Variants in SLC25A17 observed in about 807,000 individuals in gnomAD.
SLC25A17 encodes peroxisomal membrane protein PMP34.
In SLC25A17, 26 loss-of-function variants were observed where a neutral mutation model predicts 38.5. That is an observed-to-expected ratio of 0.68 (90% confidence interval 0.50 to 0.94). SLC25A17 has a LOEUF of 0.94. Among genes scored for constraint, SLC25A17 ranks in the 40% least tolerant of loss-of-function variants. SLC25A17 has a pLI of 0.00. For synonymous variants in SLC25A17, 139 were observed against 136.2 expected (o/e 1.02, Z -0.14); for missense variants, 333 against 372.7 (o/e 0.89, Z 0.88).
intron 2 of SLC25A17, among the ~76,000 whole-genome samples, chr22:40,795,442 AC>A (rs889539314): frequency 1.1e-4 from 17 of 151,752 alleles, no homozygotes; most frequent in Non-Finnish European, 1.5e-4. Context: ...ACAGGCGCCC[AC>A]CACGATGCCC....
intron 4 of SLC25A17, among the ~76,000 whole-genome samples, chr22:40,790,686 C>G (rs1365840896): frequency 6.6e-6 from 1 of 152,112 alleles, no homozygotes; most frequent in African/African-American, 2.4e-5. Context: ...ATGGCAGACA[C>G]AGCAAATAAA....
chr22:40,817,858 G>A (rs1362509372), intron 1 of SLC25A17, among the ~76,000 whole-genome samples: 1 of 152,172 alleles, frequency 6.6e-6, no homozygotes, highest in Non-Finnish European at 1.5e-5. Context: ...CGGAAACACA[G>A]GCCTCCATGC....
At chr22:40,805,219 C>T (rs1353669319) in intron 1 of SLC25A17, among the ~76,000 whole-genome samples, 1 of 152,174 alleles carries the variant, frequency 6.6e-6, no homozygotes, top group Non-Finnish European at 1.5e-5. Flanking sequence ...CCTGTAATCC[C>T]AGCTACTCGG....
chr22:40,792,320 A>G (rs1336566862), intron 4 of SLC25A17, among the ~76,000 whole-genome samples: 2 of 152,142 alleles, frequency 1.3e-5, no homozygotes, highest in African/African-American at 4.8e-5. Context: ...AACATTGTGA[A>G]CATGTTTAAC....
At chr22:40,794,085 A>G (rs116496477) in intron 3 of SLC25A17, among the ~76,000 whole-genome samples, 43 of 152,350 alleles carry the variant, frequency 2.8e-4, no homozygotes, top group African/African-American at 8.2e-4. Flanking sequence ...GGTAAAGCAT[A>G]TACTTGTCTT....
intron 4 of SLC25A17, among the ~76,000 whole-genome samples, chr22:40,782,550 T>C (rs760510589): frequency 6.6e-5 from 10 of 152,206 alleles, no homozygotes; most frequent in Non-Finnish European, 8.8e-5. Flanking sequence ...GTGAGTCTCC[T>C]TTGTTACGGA....
At chr22:40,776,278 A>G (rs1262783699) in intron 7 of SLC25A17, 1 of 469,048 alleles carries the variant, frequency 2.1e-6, no homozygotes, top group Non-Finnish European at 4.4e-6. Flanking sequence ...CACAGTGTGG[A>G]TGCTTAGTAA....
intron 2 of SLC25A17, chr22:40,798,378 G>A (rs141412177): frequency 7.2e-5 from 11 of 152,176 alleles, no homozygotes; most frequent in African/African-American, 2.2e-4. Context: ...TTGGTTCCTC[G>A]GAACCTTTTC....
chr22:40,770,765 A>G lies in SLC25A17; in HGVS notation c.*69T>C, dbSNP rs2057173376. Reference sequence around the variant, plus strand: ...TGGCAGGAGCCAGAGTCAAGGGAGAATCACTTCTCTTCACTCAGGAGGAAA... The same window carrying G: ...TGGCAGGAGCCAGAGTCAAGGGAGAGTCACTTCTCTTCACTCAGGAGGAAA... On this transcript the variant is annotated 3_prime_UTR_variant, in exon 9 of 9. Coordinates refer to ENST00000435456, the MANE Select transcript of SLC25A17 (RefSeq NM_006358.4). 5.4e-6 allele frequency: 8 copies of G among 1,474,882 alleles called. No homozygotes were observed. Among genetic ancestry groups the G allele is most frequent in the Non-Finnish European group, 7.3e-6 (8 of 1,088,780 alleles). 91.4% of individuals were successfully genotyped at this position (1,474,882 alleles called of 1,614,324 possible). A position where few individuals can be genotyped will look rare whatever the true frequency, so the allele number is the denominator to read the frequency against.
intron 2 of SLC25A17, chr22:40,798,398 C>T (rs938652579): frequency 1.6e-4 from 24 of 152,258 alleles, no homozygotes; most frequent in African/African-American, 5.8e-4. Context: ...CCCCATCTGC[C>T]TCTTTCAGAT....
chr22:40,777,478 G>T, intron 5 of SLC25A17, 105 bp from the exon 6 acceptor site: 1 of 1,283,116 alleles, frequency 7.8e-7, no homozygotes, highest in Non-Finnish European at 1.1e-6. Context: ...AACCATACTG[G>T]TTCTATAAAG....
rs1198595821 is a variant in SLC25A17 at position 40,770,825 on chromosome 22, G to C, written c.*9C>G. On this transcript the variant is annotated 3_prime_UTR_variant, in exon 9 of 9. Transcript: ENST00000435456. ...TGAGCATCTTCGGAATTTTTCATGGGAAGGCGTCTCAGTGTTGGTGTGCAC... is the reference window on the plus strand; with the variant it reads ...TGAGCATCTTCGGAATTTTTCATGGCAAGGCGTCTCAGTGTTGGTGTGCAC... 5 of 1,588,032 alleles carry C rather than the reference G, an allele frequency of 3.1e-6. No homozygotes were observed. The African/African-American group carries it at 6.8e-5, about 21-fold the overall frequency.
intron 4 of SLC25A17, among the ~76,000 whole-genome samples, chr22:40,784,046 T>G (rs1279641632): frequency 5.9e-5 from 9 of 152,164 alleles, no homozygotes; most frequent in African/African-American, 2.2e-4. Flanking sequence ...CTATCCCTTC[T>G]CTGCTTAAAT....
At position 40,819,235 on chromosome 22, in the gene SLC25A17, A is replaced by G. The variant is rs2057672316; in HGVS notation, c.14T>C (p.Leu5Pro). ...GGCGTGGACCAGGCTTTCGTAGGAC[A>G]GCACGGAAGCCATTGGTGCGGCTCC... The part of the protein sequence containing the change: MASV[L>P]SYESLVHAVA... Residue 5 changes from leucine to proline, a missense_variant, in exon 1 of 9, where the codon CTG (leucine) becomes CCG (proline). Coordinates refer to ENST00000435456, the MANE Select transcript of SLC25A17 (RefSeq NM_006358.4). 3 of 1,613,608 alleles carry G rather than the reference A, an allele frequency of 1.9e-6. No individual in the cohort carries two copies. Among genetic ancestry groups the G allele is most frequent in the East Asian group, 2.2e-5 (1 of 44,884 alleles).
At chr22:40,779,785 C>A (rs1569400885) in intron 4 of SLC25A17, 1 of 153,636 alleles carries the variant, frequency 6.5e-6, no homozygotes, top group African/African-American at 2.4e-5. Flanking sequence ...TCTTGGCCCC[C>A]CAAGGTTGCC....
At chr22:40,788,982 C>T in intron 4 of SLC25A17, 1 of 332,924 alleles carries the variant, frequency 3.0e-6, no homozygotes. Flanking sequence ...CATAGAAGTG[C>T]TCTTTGAAGG....
intron 1 of SLC25A17, among the ~76,000 whole-genome samples, chr22:40,800,433 A>G (rs2057470732): frequency 6.6e-6 from 1 of 152,166 alleles, no homozygotes; most frequent in African/African-American, 2.4e-5. Context: ...GTGTCTTGCT[A>G]TGTCATCTAG....
At chr22:40,818,746 A>C (rs2057666947) in intron 1 of SLC25A17, among the ~76,000 whole-genome samples, 1 of 151,124 alleles carries the variant, frequency 6.6e-6, no homozygotes, top group East Asian at 1.9e-4. Context: ...TTCTCCTGCC[A>C]ATAACGGTGC....
At chr22:40,781,744 A>C (rs906031099) in intron 4 of SLC25A17, among the ~76,000 whole-genome samples, 2 of 152,120 alleles carry the variant, frequency 1.3e-5, no homozygotes, top group Non-Finnish European at 2.9e-5. Flanking sequence ...GTTCTGAGAG[A>C]AGCTACTCAA....
Sources: gnomAD v4.1 joint callset for allele counts (sites outside exome capture counted in the v4.1 genomes callset) on GRCh38, gnomAD v4.1.1 for gene constraint, MANE v1.5 for transcripts, NCBI Gene and HGNC (gene_info 2026-07-23, HGNC 2026-07-21) for gene names.